Variants in CCDC38 observed in about 807,000 individuals in gnomAD.
The protein encoded by CCDC38 is coiled-coil domain containing 38.
CCDC38 carries 69 observed loss-of-function variants against 72.8 expected under a neutral mutation model. The observed-to-expected ratio is 0.95, with a 90% CI of 0.78 to 1.16. CCDC38 has a LOEUF of 1.16. Ranked by LOEUF, CCDC38 falls within the 50% of genes most tolerant of loss-of-function variation. The probability of loss-of-function intolerance (pLI) is 0.00; values close to 1 mark genes in which losing one functional copy is unlikely to be tolerated. For synonymous variants in CCDC38, 201 were observed against 213.2 expected (o/e 0.94, Z 0.50); for missense variants, 626 against 638.9 (o/e 0.98, Z 0.22).
At chr12:95,902,112 G>A (rs1034294346) in intron 5 of CCDC38, among the ~76,000 whole-genome samples, 3 of 152,148 alleles carry the variant, frequency 2.0e-5, no homozygotes, top group Non-Finnish European at 2.9e-5. Flanking sequence ...ATAATAGGAT[G>A]TTTGTATGTT....
intron 5 of CCDC38, 122 bp downstream of exon 5, chr12:95,906,265 C>A: frequency 2.9e-6 from 2 of 690,546 alleles, no homozygotes; most frequent in South Asian, 3.9e-5. Flanking sequence ...GTGAAAAAAC[C>A]AACCTGTTCA....
At chr12:95,868,468 T>C (rs2079547079) in intron 15 of CCDC38, among the ~76,000 whole-genome samples, 1 of 152,210 alleles carries the variant, frequency 6.6e-6, no homozygotes, top group African/African-American at 2.4e-5. Flanking sequence ...GATAAATACC[T>C]TTTTTAAGAT....
At chr12:95,906,235 T>C in intron 5 of CCDC38, 152 bp downstream of exon 5, 1 of 609,982 alleles carries the variant, frequency 1.6e-6, no homozygotes, top group Non-Finnish European at 2.9e-6. Context: ...TCCGTAAGTA[T>C]TTTTCAAATT....
chr12:95,898,755 G>A (rs2121478130), intron 5 of CCDC38, 24 bp from the exon 6 acceptor site: 5 of 1,600,622 alleles, frequency 3.1e-6, no homozygotes, highest in South Asian at 1.1e-5. Context: ...AGACAGAGGT[G>A]TAAAAACATG....
chr12:95,925,069 C>A (rs2080253948), intron 2 of CCDC38, among the ~76,000 whole-genome samples: 1 of 150,760 alleles, frequency 6.6e-6, no homozygotes, highest in East Asian at 1.9e-4. Flanking sequence ...TTTTCCAATT[C>A]TGTGAAGAAA....
At chr12:95,909,966 G>A (rs1454679529) in intron 4 of CCDC38, among the ~76,000 whole-genome samples, 1 of 152,138 alleles carries the variant, frequency 6.6e-6, no homozygotes, top group African/African-American at 2.4e-5. Context: ...GTAAAAGTTA[G>A]AAGCATTTCC....
At chr12:95,927,596 T>G (rs558312148) in intron 2 of CCDC38, among the ~76,000 whole-genome samples, 4 of 152,286 alleles carry the variant, frequency 2.6e-5, no homozygotes, top group South Asian at 2.1e-4. Flanking sequence ...GTTAGCTGGT[T>G]ATTTTGCTCG....
chr12:95,936,112 A>G (rs2080391016), intron 2 of CCDC38, among the ~76,000 whole-genome samples: 2 of 152,090 alleles, frequency 1.3e-5, no homozygotes, highest in Non-Finnish European at 2.9e-5. Context: ...AATAAAATAA[A>G]TAAAAATAAA....
chr12:95,897,347 G>A (rs954767282), intron 7 of CCDC38, among the ~76,000 whole-genome samples: 7 of 152,028 alleles, frequency 4.6e-5, no homozygotes, highest in Non-Finnish European at 1.0e-4. Context: ...GGTGACTCAC[G>A]CCTGTAATCC....
intron 2 of CCDC38, chr12:95,934,359 T>C (rs2080368602): frequency 6.6e-6 from 1 of 152,138 alleles, no homozygotes; most frequent in Non-Finnish European, 1.5e-5. Flanking sequence ...TATATAATTG[T>C]ATTAATCTTA....
intron 2 of CCDC38, among the ~76,000 whole-genome samples, chr12:95,929,267 A>C (rs2080309821): frequency 6.6e-6 from 1 of 152,126 alleles, no homozygotes; most frequent in African/African-American, 2.4e-5. Flanking sequence ...GCCCATGGGA[A>C]AAGCGCAGTA....
In CCDC38 at chr12:95,895,016, T is replaced by C; in HGVS notation, c.745A>G (p.Asn249Asp). 1 of 1,609,562 alleles carries C rather than the reference T, an allele frequency of 6.2e-7. No homozygotes were observed. Among genetic ancestry groups the C allele is most frequent in the Non-Finnish European group, 8.5e-7 (1 of 1,178,592 alleles). The change falls in exon 8 of 16, where the codon AAT becomes GAT. Residue 249 changes from asparagine to aspartate, a missense_variant. Transcript: ENST00000344280. ...GCTAATATTTTTGGAAGGATGATATTTGCTTTACTTTTTGATGCCTGTGCT... is the reference window on the plus strand; with the variant it reads ...GCTAATATTTTTGGAAGGATGATATCTGCTTTACTTTTTGATGCCTGTGCT... ...KRAQASKSKA[N>D]IILPKILAKL...
intron 5 of CCDC38, among the ~76,000 whole-genome samples, chr12:95,902,505 A>G (rs2079960393): frequency 6.6e-6 from 1 of 152,164 alleles, no homozygotes. Flanking sequence ...TTATAAACTT[A>G]GTACAACTAT....
Position 95,890,816 on chromosome 12 carries a change from C to G in CCDC38, c.871+16G>C, listed in dbSNP as rs374889180. ...TTCGCAGGTTTTACTTTCATGAGTC[C>G]CAAATCTACCTTTACCTTGGCTGTC... On this transcript the variant is annotated intron_variant, in intron 9 of 15. Coordinates refer to ENST00000344280, the MANE Select transcript of CCDC38 (RefSeq NM_182496.3). 6.6e-5 allele frequency: 100 copies of G among 1,519,122 alleles called. No homozygotes were observed. Among genetic ancestry groups the G allele is most frequent in the Non-Finnish European group, 1.9e-5 (21 of 1,099,052 alleles). 94.1% of individuals were successfully genotyped at this position (1,519,122 alleles called of 1,614,324 possible).
chr12:95,918,318 C>T (rs1314137560), intron 3 of CCDC38, among the ~76,000 whole-genome samples: 1 of 152,188 alleles, frequency 6.6e-6, no homozygotes, highest in Non-Finnish European at 1.5e-5. Context: ...CCTTCCCCAG[C>T]ACACACATAT....
intron 8 of CCDC38, among the ~76,000 whole-genome samples, chr12:95,891,747 A>T (rs1047965889): frequency 6.6e-6 from 1 of 151,796 alleles, no homozygotes; most frequent in African/African-American, 2.4e-5. Flanking sequence ...CTTTAACCAA[A>T]TTTTTTCATG....
At chr12:95,930,939 C>A (rs1438014592) in intron 2 of CCDC38, among the ~76,000 whole-genome samples, 1 of 150,110 alleles carries the variant, frequency 6.7e-6, no homozygotes, top group Non-Finnish European at 1.5e-5. Context: ...ATATTCTTCT[C>A]TAAGCTGCCT....
At chr12:95,885,517 A>G (rs2079749533) in intron 10 of CCDC38, 1 of 176,344 alleles carries the variant, frequency 5.7e-6, no homozygotes. Flanking sequence ...GATCAAGAAA[A>G]TTATGTTCCA....
chr12:95,928,513 T>A (rs553477981), intron 2 of CCDC38, among the ~76,000 whole-genome samples: 25 of 152,370 alleles, frequency 1.6e-4, no homozygotes, highest in African/African-American at 6.0e-4. Context: ...AGTAATTTGA[T>A]CATCTGAAGC....
Sources: allele counts gnomAD v4.1 joint callset (sites outside exome capture counted in the v4.1 genomes callset), GRCh38; gene constraint gnomAD v4.1.1; transcripts MANE v1.5; gene names NCBI Gene and HGNC (gene_info 2026-07-23, HGNC 2026-07-21).